Variants in TANGO2 observed in about 807,000 individuals in gnomAD.
TANGO2 encodes transport and Golgi organization protein 2 homolog.
Under a neutral mutation model 39.1 loss-of-function variants are expected in TANGO2, and 26 were observed. The observed-to-expected ratio is 0.67, with a 90% CI of 0.49 to 0.92. TANGO2 has a LOEUF of 0.92. TANGO2 is among the 40% of genes least tolerant of loss of function. The probability of loss-of-function intolerance (pLI) is 0.00; values close to 1 mark genes in which losing one functional copy is unlikely to be tolerated. For synonymous variants in TANGO2, 131 were observed against 144.5 expected (o/e 0.91, Z 0.67); for missense variants, 326 against 360.1 (o/e 0.91, Z 0.77).
chr22:20,032,153 C>A (rs941037662), intron 1 of TANGO2, among the ~76,000 whole-genome samples: 12 of 152,222 alleles, frequency 7.9e-5, no homozygotes, highest in African/African-American at 2.4e-4. Context: ...GTTGGACCCG[C>A]CCTGGCAGCC....
In TANGO2 at chr22:20,038,930, T is replaced by G. The variant is rs199620344; in HGVS notation, c.56+2076T>G. Among the ~76,000 whole-genome samples the G allele has an allele frequency of 1.4e-3, 204 of 142,284 alleles. 5 individuals are homozygous for G. The East Asian group carries it at 0.05, about 35-fold the overall frequency. The allele number at this position is 142,284 out of a possible 152,430, so 93.3% of individuals were successfully genotyped here. ...AGGGTGCTTTAGGCCACTATGTTTT[T>G]TTTTTTTATTATTATTATTATTATT... On this transcript the variant is annotated intron_variant, in intron 2 of 8. Transcript: ENST00000327374.
At chr22:20,036,463 C>T (rs1053474766) in intron 1 of TANGO2, among the ~76,000 whole-genome samples, 6 of 152,214 alleles carry the variant, frequency 3.9e-5, no homozygotes, top group Admixed American at 1.3e-4. Context: ...GGGACCCCCT[C>T]GGCACCCCAG....
chr22:20,036,563 G>A (rs1354044312), intron 1 of TANGO2, among the ~76,000 whole-genome samples, 197 bp from the exon 2 acceptor site: 2 of 152,178 alleles, frequency 1.3e-5, no homozygotes, highest in Non-Finnish European at 2.9e-5. Context: ...AGACAGTCTG[G>A]CCAGTGCCAA....
At chr22:20,064,102 AAG>A (rs759572501) in intron 8 of TANGO2, among the ~76,000 whole-genome samples, 3 of 152,128 alleles carry the variant, frequency 2.0e-5, no homozygotes, top group Non-Finnish European at 2.9e-5. Flanking sequence ...TGGGCAGTGG[AAG>A]AGAGGGCACA....
Position 20,056,243 on chromosome 22 carries a change from C to T in TANGO2, c.451+230C>T, listed in dbSNP as rs751493532. 1.0e-5 allele frequency: 7 copies of T among 686,226 alleles called. No individual in the cohort carries two copies. In the South Asian group the frequency reaches 1.1e-4, roughly 10 times the overall value. 42.5% of individuals were successfully genotyped at this position (686,226 alleles called of 1,614,324 possible). A position where few individuals can be genotyped will look rare whatever the true frequency, so the allele number is the denominator to read the frequency against. ...GGCTTTTCCTGCTGAGCAAGGTGCG[C>T]CCCTGTTCTGGGCTTCCCACCGCAG... is the stretch of plus-strand genomic sequence containing the variant. On this transcript the variant is annotated intron_variant, in intron 6 of 8. Coordinates refer to ENST00000327374, the MANE Select transcript of TANGO2 (RefSeq NM_152906.7).
At chr22:20,054,406 A>T (rs1315980310) in intron 5 of TANGO2, 1 of 153,196 alleles carries the variant, frequency 6.5e-6, no homozygotes. Context: ...TTTCCCGGTC[A>T]GTAGTTCCAT....
chr22:20,037,222 G>C, intron 2 of TANGO2: 1 of 1,123,308 alleles, frequency 8.9e-7, no homozygotes, highest in Admixed American at 2.8e-5. Flanking sequence ...GGTCACAGCT[G>C]CTGGTGAGAA....
rs2147872682 is a variant in TANGO2, at chr22:20,065,117, G to A, written c.*455G>A. On this transcript the variant is annotated 3_prime_UTR_variant, in exon 9 of 9. Transcript: ENST00000327374. The stretch of plus-strand genomic sequence containing the variant: ...ACACACACAGGTGCACACACACGAT[G>A]CCGAACAAGGCAGAAGGGCGACTCT... The A allele has an allele frequency of 6.0e-6, 1 of 166,534 alleles. No individual in the cohort carries two copies. Among genetic ancestry groups the A allele is most frequent in the South Asian group, 1.6e-4 (1 of 6,182 alleles). 10.3% of individuals were successfully genotyped at this position (166,534 alleles called of 1,614,324 possible). A position where few individuals can be genotyped will look rare whatever the true frequency, so the allele number is the denominator to read the frequency against.
upstream of TANGO2, chr22:20,017,211 T>TGCTACTC (rs1227343003): frequency 6.6e-6 from 1 of 152,262 alleles, no homozygotes; most frequent in African/African-American, 2.4e-5. Flanking sequence ...CTTCAGCGCC[T>TGCTACTC]GCTACTCGCT....
At chr22:20,060,429 T>C (rs1013711676) in intron 6 of TANGO2, among the ~76,000 whole-genome samples, 1 of 152,050 alleles carries the variant, frequency 6.6e-6, no homozygotes, top group Non-Finnish European at 1.5e-5. Flanking sequence ...CAGCTAACTT[T>C]TATGTTTTGT....
At chr22:20,025,927 A>G (rs2040651767) in intron 1 of TANGO2, among the ~76,000 whole-genome samples, 2 of 152,318 alleles carry the variant, frequency 1.3e-5, no homozygotes, top group Middle Eastern at 3.4e-3. Flanking sequence ...GCAGCATCAG[A>G]GGCCTGGTGA....
chr22:20,048,548 T>C (rs1176804839), intron 3 of TANGO2, among the ~76,000 whole-genome samples: 1 of 152,212 alleles, frequency 6.6e-6, no homozygotes, highest in Non-Finnish European at 1.5e-5. Flanking sequence ...AGTTTTGTTC[T>C]TGTTTTAATT....
At chr22:20,060,218 G>A (rs1378377090) in intron 6 of TANGO2, among the ~76,000 whole-genome samples, 2 of 151,964 alleles carry the variant, frequency 1.3e-5, no homozygotes, top group African/African-American at 2.4e-5. Flanking sequence ...GCGTGGTGGC[G>A]GGTGCCTGTA....
chr22:20,053,477 C>T lies in TANGO2; in HGVS notation c.306C>T (p.Ser102=). 1 of 1,613,976 alleles carries T rather than the reference C, an allele frequency of 6.2e-7. No homozygotes were observed. The highest frequency in any genetic ancestry group is 8.5e-7 in the Non-Finnish European group (1 of 1,179,812). The change falls in exon 5 of 9, where the codon AGC becomes AGT. Residue 102 remains serine (S), a synonymous_variant. Coordinates refer to ENST00000327374, the MANE Select transcript of TANGO2 (RefSeq NM_152906.7). The part of the protein sequence containing the change: ...VTHFLTTDVD[S]LSYLKKVSME... ...ACTTTCTGACCACTGACGTGGACAGCTTGTCCTACCTGAAGAAGGTCTCTA... is the reference window on the plus strand; with the variant it reads ...ACTTTCTGACCACTGACGTGGACAGTTTGTCCTACCTGAAGAAGGTCTCTA...
At chr22:20,043,181 A>C (rs529427381) in intron 2 of TANGO2, among the ~76,000 whole-genome samples, 174 bp from the exon 3 acceptor site, 1 of 152,306 alleles carries the variant, frequency 6.6e-6, no homozygotes, top group South Asian at 2.1e-4. Flanking sequence ...CCGAGAGCTC[A>C]CCTGGAGCCA....
intron 3 of TANGO2, 146 bp from the exon 4 acceptor site, chr22:20,052,319 G>A: frequency 3.3e-6 from 4 of 1,206,886 alleles, no homozygotes; most frequent in Non-Finnish European, 4.7e-6. Flanking sequence ...TTCCATAGCT[G>A]GGGCTGCTGG....
intron 1 of TANGO2, among the ~76,000 whole-genome samples, chr22:20,036,419 G>A (rs1205828986): frequency 6.6e-6 from 1 of 152,212 alleles, no homozygotes; most frequent in Non-Finnish European, 1.5e-5. Flanking sequence ...GTTTCTCACA[G>A]TGTGGCTCCT....
At chr22:20,052,857 C>T (rs983368322) in intron 4 of TANGO2, among the ~76,000 whole-genome samples, 2 of 152,086 alleles carry the variant, frequency 1.3e-5, no homozygotes, top group Non-Finnish European at 2.9e-5. Context: ...AGCTGGGCCC[C>T]GTGGCAGGTG....
chr22:20,042,284 G>A (rs948028822), intron 2 of TANGO2, among the ~76,000 whole-genome samples: 7 of 152,064 alleles, frequency 4.6e-5, no homozygotes, highest in Admixed American at 3.9e-4. Flanking sequence ...ACTGTGCCTG[G>A]CCCAGCCATC....
Sources: allele counts gnomAD v4.1 joint callset (sites outside exome capture counted in the v4.1 genomes callset), GRCh38; gene constraint gnomAD v4.1.1; transcripts MANE v1.5; gene names NCBI Gene and HGNC (gene_info 2026-07-23, HGNC 2026-07-21).